ATAD3A: variants seen among roughly 807,000 people sequenced by gnomAD.
ATAD3A encodes ATPase family AAA domain-containing protein 3A.
In ATAD3A, 46 loss-of-function variants were observed where a neutral mutation model predicts 73.8. The observed-to-expected ratio is 0.62, with a 90% CI of 0.49 to 0.80. ATAD3A has a LOEUF of 0.80. Among genes scored for constraint, ATAD3A ranks in the 30% least tolerant of loss-of-function variants. ATAD3A has a pLI of 0.00. For synonymous variants in ATAD3A, 319 were observed against 350.0 expected (o/e 0.91, Z 0.99); for missense variants, 705 against 838.0 (o/e 0.84, Z 1.96).
chr1:1,531,911 A>T (rs530115056), intron 15 of ATAD3A, among the ~76,000 whole-genome samples: 40 of 151,068 alleles, frequency 2.6e-4, no homozygotes, highest in African/African-American at 9.4e-4. Flanking sequence ...TTGTCCTCCC[A>T]AAGTGCTGGG....
At chr1:1,525,621 A>G (rs138961829) in intron 12 of ATAD3A, among the ~76,000 whole-genome samples, 201 of 152,134 alleles carry the variant, frequency 1.3e-3, no homozygotes, top group Middle Eastern at 3.4e-3. Context: ...TCACCGTGTT[A>G]GCCAGGATGG....
intron 15 of ATAD3A, among the ~76,000 whole-genome samples, chr1:1,530,828 CAAAAAAAAAAAA>C (rs1174830616): frequency 2.2e-4 from 3 of 13,422 alleles, no homozygotes; most frequent in South Asian, 3.4e-3. Context: ...GACTCCGTCT[CAAAAAAAAAAAA>C]AAAAAAAAAA....
In ATAD3A at chr1:1,523,680, G is replaced by A; in HGVS notation, c.963+113G>A. 6.3e-7 allele frequency: 1 copy of A among 1,593,942 alleles called. No individual in the cohort carries two copies. The highest frequency in any genetic ancestry group is 1.7e-5 in the Admixed American group (1 of 58,024). ...GCACCCAGGAGCTTTTGGGTCCTGA[G>A]ATGCGACTGCTTGGACCGTGCTGGG... On this transcript the variant is annotated intron_variant, in intron 9 of 15. Coordinates refer to ENST00000378756, the MANE Select transcript of ATAD3A (RefSeq NM_001170535.3). This position sits in a 1 kb window ranked among gnomAD's most constrained non-coding sequence, Gnocchi z 5.1.
intron 12 of ATAD3A, 45 bp downstream of exon 12, chr1:1,525,336 G>GT (rs943079627): frequency 4.3e-6 from 7 of 1,611,778 alleles, no homozygotes; most frequent in Non-Finnish European, 5.9e-6. Context: ...GGTGGGGTGG[G>GT]CACAGCCGTC....
intron 15 of ATAD3A, among the ~76,000 whole-genome samples, chr1:1,529,905 T>C (rs887308655): frequency 1.3e-5 from 2 of 152,174 alleles, no homozygotes; most frequent in African/African-American, 4.8e-5. Flanking sequence ...GCTTTGGTCT[T>C]TGGGGGTTGC....
Position 1,534,476 on chromosome 1 carries a change from G to A in ATAD3A, c.*404G>A, listed in dbSNP as rs891879926. On this transcript the variant is annotated 3_prime_UTR_variant, in exon 16 of 16. Transcript: ENST00000378756. ...CCACAGCAGAGCCAGGTGAGGGGGC[G>A]CCTGCCAGGGCCAGACCCAGGTGGG... is the stretch of plus-strand genomic sequence containing the variant. 3.7e-5 allele frequency: 39 copies of A among 1,045,124 alleles called. No homozygotes were observed. Among genetic ancestry groups the A allele is most frequent in the Non-Finnish European group, 4.2e-5 (34 of 811,350 alleles). The allele number at this position is 1,045,124 out of a possible 1,614,324, so 64.7% of individuals were successfully genotyped here.
intron 15 of ATAD3A, among the ~76,000 whole-genome samples, chr1:1,530,981 C>CT (rs1056720765): frequency 5.9e-5 from 9 of 152,120 alleles, no homozygotes; most frequent in African/African-American, 2.2e-4. Flanking sequence ...CAAGGCCAAT[C>CT]TCACCTCCAC....
Position 1,534,218 on chromosome 1 carries a change from C to G in ATAD3A, c.*146C>G, listed in dbSNP as rs9439464. 727,726 of 1,457,180 alleles carry G rather than the reference C, an allele frequency of 0.5. 198,467 individuals carry two copies. Among genetic ancestry groups the G allele is most frequent in the East Asian group, 0.94 (37,311 of 39,692 alleles). 90.3% of individuals were successfully genotyped at this position (1,457,180 alleles called of 1,614,324 possible). ...CTGTCCCCCAGGATGTCTTGTGGTGCGGGTCGGCCGTTCTGCCCCCCAGGG... is the reference window on the plus strand; with the variant it reads ...CTGTCCCCCAGGATGTCTTGTGGTGGGGGTCGGCCGTTCTGCCCCCCAGGG... On this transcript the variant is annotated 3_prime_UTR_variant, in exon 16 of 16. Transcript: ENST00000378756.
Position 1,523,018 on chromosome 1 carries a change from G to C in ATAD3A, c.906+119G>C, listed in dbSNP as rs1333677413. The C allele has an allele frequency of 6.8e-7, 1 of 1,478,938 alleles. No homozygotes were observed. Among genetic ancestry groups the C allele is most frequent in the Non-Finnish European group, 9.0e-7 (1 of 1,107,330 alleles). 91.6% of individuals were successfully genotyped at this position (1,478,938 alleles called of 1,614,324 possible). ...CCCTTTCCCCGGATAACGGGCACCC[G>C]CACACTGCTTCACGGGTGGGTTTTC... On this transcript the variant is annotated intron_variant, in intron 8 of 15. Transcript: ENST00000378756. The surrounding 1 kb of genome is among the most constrained non-coding windows in gnomAD (Gnocchi z 5.1).
chr1:1,520,067 G>T lies in ATAD3A; in HGVS notation c.515-74G>T. On this transcript the variant is annotated intron_variant, in intron 5 of 15. Coordinates refer to ENST00000378756, the MANE Select transcript of ATAD3A (RefSeq NM_001170535.3). The surrounding 1 kb of genome is among the most constrained non-coding windows in gnomAD (Gnocchi z 4.0). ...TGGCGTGGGCCGGTCCGTGGCGTGG[G>T]CCGGTCCACAGTGTGGGTGGAGGTG... 2 of 1,550,898 alleles carry T rather than the reference G, an allele frequency of 1.3e-6. No homozygotes were observed.
chr1:1,524,748 T>G (rs1364072204), intron 11 of ATAD3A, among the ~76,000 whole-genome samples: 1 of 142,546 alleles, frequency 7.0e-6, no homozygotes, highest in African/African-American at 2.9e-5. Flanking sequence ...TGGTTGCCTT[T>G]TCTAGAACCA....
rs1004401432 is a variant in ATAD3A, at chr1:1,512,625, G to A, written c.205+152G>A. On this transcript the variant is annotated intron_variant, in intron 1 of 15. Transcript: ENST00000378756. The stretch of plus-strand genomic sequence containing the variant: ...GCACCCCCGGCCGGAGCCGTGTCGC[G>A]TGCCGGGAGGATCGGACTCTTTCCG... 5 of 1,403,354 alleles carry A rather than the reference G, an allele frequency of 3.6e-6. No individual in the cohort carries two copies. The South Asian group carries it at 3.8e-5, about 11-fold the overall frequency. 86.9% of individuals were successfully genotyped at this position (1,403,354 alleles called of 1,614,324 possible).
In ATAD3A at chr1:1,534,501, G is replaced by A; in HGVS notation, c.*429G>A. 1 of 804,896 alleles carries A rather than the reference G, an allele frequency of 1.2e-6. No homozygotes were observed. Among genetic ancestry groups the A allele is most frequent in the Non-Finnish European group, 1.7e-6 (1 of 600,030 alleles). 49.9% of individuals were successfully genotyped at this position (804,896 alleles called of 1,614,324 possible). A position where few individuals can be genotyped will look rare whatever the true frequency, so the allele number is the denominator to read the frequency against. ...GCCTGCCAGGGCCAGACCCAGGTGGGGCAGCCTGAACCCTGCTTCCCCCTG... is the reference window on the plus strand; with the variant it reads ...GCCTGCCAGGGCCAGACCCAGGTGGAGCAGCCTGAACCCTGCTTCCCCCTG... On this transcript the variant is annotated 3_prime_UTR_variant, in exon 16 of 16. Coordinates refer to ENST00000378756, the MANE Select transcript of ATAD3A (RefSeq NM_001170535.3).
At chr1:1,533,721 C>T (rs989773539) in intron 15 of ATAD3A, among the ~76,000 whole-genome samples, 7 of 151,634 alleles carry the variant, frequency 4.6e-5, no homozygotes, top group African/African-American at 1.5e-4. Context: ...GTGCTGAGGA[C>T]GCAGGCAGGG....
rs1287897640 is a variant in ATAD3A, at chr1:1,517,387, G to A, written c.359G>A (p.Ser120Asn). The A allele has an allele frequency of 3.3e-6, 5 of 1,528,146 alleles. No homozygotes were observed. Among genetic ancestry groups the A allele is most frequent in the Admixed American group, 4.1e-5 (2 of 48,928 alleles). 94.7% of individuals were successfully genotyped at this position (1,528,146 alleles called of 1,614,324 possible). A position where few individuals can be genotyped will look rare whatever the true frequency, so the allele number is the denominator to read the frequency against. The stretch of plus-strand genomic sequence containing the variant: ...GCTGAGGAGAGGAGGAAGACCCTGA[G>A]CGAGGAGACCCGGCAGCACCAGGCC... ...AQAEERRKTL[S>N]EETRQHQARA... is the part of the protein sequence containing the mutation. The change falls in exon 3 of 16, where the codon AGC becomes AAC. Residue 120 changes from serine (S) to asparagine (N), a missense_variant. Physicochemically the swap from Ser to Asn is conservative, Grantham distance 46. Coordinates refer to ENST00000378756, the MANE Select transcript of ATAD3A (RefSeq NM_001170535.3).
At chr1:1,517,910 T>C in intron 4 of ATAD3A, 135 bp downstream of exon 4, 1 of 1,245,154 alleles carries the variant, frequency 8.0e-7, no homozygotes, top group Non-Finnish European at 1.2e-6. Flanking sequence ...CAGGGGAAAC[T>C]ACTCGGACAG....
Position 1,529,236 on chromosome 1 carries a change from G to C in ATAD3A, c.1519G>C (p.Ala507Pro). The change falls in exon 15 of 16, where the codon GCC (alanine) becomes CCC (proline). Residue 507 changes from alanine to proline, a missense_variant. Coordinates refer to ENST00000378756, the MANE Select transcript of ATAD3A (RefSeq NM_001170535.3). ...ATEGKQRLKL[A>P]QFDYGRKCSE... ...CTCCTTCCCCAGGCGCCTGAAGCTG[G>C]CCCAGTTTGACTACGGGAGGAAGTG... 1 of 1,608,822 alleles carries C rather than the reference G, an allele frequency of 6.2e-7. No homozygotes were observed. The highest frequency in any genetic ancestry group is 1.1e-5 in the South Asian group (1 of 89,948).
chr1:1,525,445 C>T (rs554577072), intron 12 of ATAD3A, among the ~76,000 whole-genome samples, 154 bp downstream of exon 12: 10 of 145,002 alleles, frequency 6.9e-5, no homozygotes, highest in South Asian at 4.4e-4. Context: ...GAAGAAATCT[C>T]GCTCTATCAC....
chr1:1,526,613 G>T (rs927799009), intron 13 of ATAD3A, 82 bp downstream of exon 13: 29 of 1,602,608 alleles, frequency 1.8e-5, no homozygotes, highest in Admixed American at 8.6e-5. Context: ...GACCTGAGGG[G>T]CCCTGGCTCA....
Sources: gnomAD v4.1 joint callset for allele counts (sites outside exome capture counted in the v4.1 genomes callset) on GRCh38, gnomAD v4.1.1 for gene constraint, Gnocchi (gnomAD v3.1) non-coding constraint, MANE v1.5 for transcripts, NCBI Gene and HGNC (gene_info 2026-07-23, HGNC 2026-07-21) for gene names.